The following AP3B1 variants were observed in gnomAD, a reference collection of about 807,000 sequenced individuals.
AP3B1 encodes adaptor related protein complex 3 subunit beta 1, also known as AP-3 complex subunit beta-1.
A neutral mutation model predicts 132.5 loss-of-function variants in AP3B1; 61 were observed. That is an observed-to-expected ratio of 0.46 (90% CI 0.37 to 0.57). The LOEUF (loss-of-function observed/expected upper bound fraction) is 0.57. AP3B1 is among the 20% of genes least tolerant of loss of function. The pLI is 0.00. For synonymous variants in AP3B1, 388 were observed against 438.3 expected, an observed-to-expected ratio of 0.89 and a Z score of 1.43; for missense variants, 1,120 against 1,289.4, an observed-to-expected ratio of 0.87 and a Z score of 2.01.
At chr5:78,057,119 C>T (rs189008746) in intron 22 of AP3B1, among the ~76,000 whole-genome samples, 5 of 152,298 alleles carry the variant, frequency 3.3e-5, no homozygotes, top group African/African-American at 1.2e-4. Context: ...ACCATGCCAA[C>T]AGGAAAGAAG....
At chr5:78,152,340 T>C (rs1191388490) in intron 14 of AP3B1, among the ~76,000 whole-genome samples, 1 of 152,000 alleles carries the variant, frequency 6.6e-6, no homozygotes, top group East Asian at 1.9e-4. Flanking sequence ...ACTTTTATTA[T>C]GGTTTCAATC....
Position 78,178,499 on chromosome 5 carries a change from G to A in AP3B1, c.943-1063C>T, listed in dbSNP as rs565536067. Among the ~76,000 whole-genome samples the A allele has an allele frequency of 1.1e-4, 16 of 152,232 alleles. 1 individual carries two copies. The East Asian group carries it at 2.7e-3, about 26-fold the overall frequency. ...AGGTTAAGCGTGGTGGTGCACACCT[G>A]TAATCTCAGCTACTTGGGAGGTTGG... On this transcript the variant is annotated intron_variant, in intron 8 of 26. Transcript: ENST00000255194.
intron 6 of AP3B1, among the ~76,000 whole-genome samples, chr5:78,217,232 GTGTT>G (rs1196939534): frequency 6.6e-6 from 1 of 152,062 alleles, no homozygotes; most frequent in African/African-American, 2.4e-5. Context: ...CATATTTTGA[GTGTT>G]TGTCCCTCTA....
At chr5:78,115,840 A>C (rs540595225) in intron 18 of AP3B1, among the ~76,000 whole-genome samples, 1 of 152,294 alleles carries the variant, frequency 6.6e-6, no homozygotes, top group Non-Finnish European at 1.5e-5. Context: ...TTTTCAATAG[A>C]TATATTAGGC....
intron 14 of AP3B1, among the ~76,000 whole-genome samples, chr5:78,147,053 T>G (rs1471594046): frequency 6.6e-6 from 1 of 152,014 alleles, no homozygotes; most frequent in Non-Finnish European, 1.5e-5. Flanking sequence ...TACTTAATTT[T>G]CTTACTTATA....
intron 26 of AP3B1, among the ~76,000 whole-genome samples, chr5:78,007,355 T>C (rs1208965192): frequency 6.6e-6 from 1 of 152,220 alleles, no homozygotes; most frequent in African/African-American, 2.4e-5. Context: ...TTCTGATTTT[T>C]CTATTCTGAG....
intron 6 of AP3B1, 56 bp from the exon 7 acceptor site, chr5:78,216,293 G>A: frequency 6.7e-7 from 1 of 1,502,248 alleles, no homozygotes; most frequent in East Asian, 2.4e-5. Context: ...TACATCAAAG[G>A]TCTTACTCAG....
intron 1 of AP3B1, among the ~76,000 whole-genome samples, chr5:78,272,837 T>A (rs893237097): frequency 6.6e-6 from 1 of 152,116 alleles, no homozygotes; most frequent in Admixed American, 6.5e-5. Context: ...TGGTGTTAAC[T>A]CTGAATAAAT....
chr5:78,094,552 G>A (rs1015436909), intron 21 of AP3B1, among the ~76,000 whole-genome samples: 2 of 152,124 alleles, frequency 1.3e-5, no homozygotes, highest in Non-Finnish European at 2.9e-5. Flanking sequence ...TCTATTGCTA[G>A]GGTTGCTGCC....
At chr5:78,053,088 A>G (rs1748649777) in intron 22 of AP3B1, among the ~76,000 whole-genome samples, 1 of 152,206 alleles carries the variant, frequency 6.6e-6, no homozygotes, top group South Asian at 2.1e-4. Flanking sequence ...TAATTACGTG[A>G]TCTTAGCAGT....
chr5:78,252,616 C>T (rs1747687253), intron 2 of AP3B1, among the ~76,000 whole-genome samples: 3 of 152,136 alleles, frequency 2.0e-5, no homozygotes, highest in African/African-American at 7.2e-5. Flanking sequence ...GTGGTGGCTA[C>T]AGGTTGAGGC....
At chr5:78,091,435 G>A (rs114770329) in intron 21 of AP3B1, among the ~76,000 whole-genome samples, 346 of 152,134 alleles carry the variant, frequency 2.3e-3, no homozygotes, top group African/African-American at 7.2e-3. Flanking sequence ...TCTTCCCTAC[G>A]CTCACTTAGT....
chr5:78,111,163 C>G (rs955980463), intron 19 of AP3B1, among the ~76,000 whole-genome samples: 1 of 152,040 alleles, frequency 6.6e-6, no homozygotes, highest in Admixed American at 6.6e-5. Flanking sequence ...CAAATGTGAC[C>G]TTAAACACAT....
At chr5:78,191,105 C>A (rs753843288) in intron 7 of AP3B1, among the ~76,000 whole-genome samples, 2 of 151,876 alleles carry the variant, frequency 1.3e-5, no homozygotes, top group Non-Finnish European at 2.9e-5. Flanking sequence ...TTTAACTAAG[C>A]CTTTAGAGAA....
At chr5:78,195,081 T>A (rs938482424) in intron 7 of AP3B1, among the ~76,000 whole-genome samples, 7 of 151,788 alleles carry the variant, frequency 4.6e-5, no homozygotes, top group East Asian at 1.9e-4. Context: ...AAAAAAAATT[T>A]AAAAAAATGG....
At chr5:78,092,239 T>A (rs1561399674) in intron 21 of AP3B1, among the ~76,000 whole-genome samples, 1 of 152,150 alleles carries the variant, frequency 6.6e-6, no homozygotes, top group Non-Finnish European at 1.5e-5. Flanking sequence ...CTAAATACCA[T>A]CAAGAGACAA....
intron 22 of AP3B1, among the ~76,000 whole-genome samples, chr5:78,039,727 G>A (rs1339720327): frequency 2.0e-5 from 3 of 146,484 alleles, no homozygotes; most frequent in African/African-American, 7.6e-5. Context: ...GCAGTGAGCC[G>A]AGATCGCGCC....
chr5:78,183,635 C>T (rs886268078), intron 7 of AP3B1, among the ~76,000 whole-genome samples: 13 of 152,056 alleles, frequency 8.5e-5, no homozygotes, highest in Admixed American at 1.3e-4. Context: ...TCTGGGAGGC[C>T]GAGGTGGGCA....
At chr5:78,288,658 G>A (rs532255745) in intron 1 of AP3B1, among the ~76,000 whole-genome samples, 1 of 152,286 alleles carries the variant, frequency 6.6e-6, no homozygotes, top group East Asian at 1.9e-4. Context: ...GAGAGCAAAT[G>A]TTAATGGAAT....
Sources: allele counts gnomAD v4.1 joint callset (sites outside exome capture counted in the v4.1 genomes callset), GRCh38; gene constraint gnomAD v4.1.1; transcripts MANE v1.5; gene names NCBI Gene and HGNC (gene_info 2026-07-23, HGNC 2026-07-21).